Variants in PRDM5 observed in about 807,000 individuals in gnomAD.
PRDM5 encodes PR domain zinc finger protein 5.
PRDM5 carries 56 observed loss-of-function variants against 81.2 expected under a neutral mutation model. The observed-to-expected ratio is 0.69, with a 90% CI of 0.56 to 0.86. The LOEUF is 0.86. Among genes scored for constraint, PRDM5 ranks in the 40% least tolerant of loss-of-function variants. The pLI is 0.00. For missense variants in PRDM5, 697 were observed against 770.1 expected (o/e 0.91, Z 1.12); for synonymous variants, 267 against 256.4 (o/e 1.04, Z -0.39).
intron 8 of PRDM5, among the ~76,000 whole-genome samples, chr4:120,804,999 T>G (rs1444844575): frequency 6.6e-6 from 1 of 151,880 alleles, no homozygotes; most frequent in Non-Finnish European, 1.5e-5. Flanking sequence ...ATAGATGCAA[T>G]CAAAAATGAT....
chr4:120,689,667 T>G (rs1217370967), downstream of PRDM5, among the ~76,000 whole-genome samples: 1 of 151,610 alleles, frequency 6.6e-6, no homozygotes, highest in African/African-American at 2.4e-5. Flanking sequence ...AGTGCAGTGG[T>G]GCAATCTTGG....
chr4:120,734,446 A>ACC lies in PRDM5; in HGVS notation c.1623+20105_1623+20106dup, dbSNP rs1553952597. On this transcript the variant is annotated intron_variant, in intron 14 of 15. Transcript: ENST00000264808. The stretch of plus-strand genomic sequence containing the variant: ...TACACACACACACACACACACACAC[A>ACC]CCCTTACTCACTACGTTCAAACTAG... Among the ~76,000 whole-genome samples the ACC allele has an allele frequency of 3.4e-4, 52 of 151,264 alleles. 1 individual carries two copies. The highest frequency in any genetic ancestry group is 1.2e-3 in the African/African-American group (50 of 40,982).
At position 120,785,014 on chromosome 4, in the gene PRDM5, G is replaced by A; in HGVS notation, c.1266C>T (p.His422=). The part of the protein sequence containing the change: ...LFRTPFSLQR[H]LLIHNSERTF... ...GTGACTTACTGTTATGTATTAGCAG[G>A]TGTCTCTGTAAAGAAAATGGGGTCC... The change falls in exon 11 of 16, where the codon CAC becomes CAT. Residue 422 remains histidine, a synonymous_variant. Transcript: ENST00000264808. 6.2e-7 allele frequency: 1 copy of A among 1,601,662 alleles called. No homozygotes were observed. The highest frequency in any genetic ancestry group is 2.2e-5 in the East Asian group (1 of 44,786).
intron 15 of PRDM5, among the ~76,000 whole-genome samples, chr4:120,708,147 G>T (rs1298202570): frequency 1.3e-5 from 2 of 152,056 alleles, no homozygotes; most frequent in African/African-American, 4.8e-5. Flanking sequence ...TCAATGCTAG[G>T]TATATACCCC....
At chr4:120,824,208 GTAT>G (rs1755659830) in intron 3 of PRDM5, among the ~76,000 whole-genome samples, 1 of 152,196 alleles carries the variant, frequency 6.6e-6, no homozygotes, top group Non-Finnish European at 1.5e-5. Context: ...CTGGGACTCA[GTAT>G]CAGCTTCCTG....
chr4:120,752,302 C>T (rs575373501), intron 14 of PRDM5, among the ~76,000 whole-genome samples: 111 of 152,002 alleles, frequency 7.3e-4, no homozygotes, highest in African/African-American at 2.6e-3. Context: ...TTTAAAAATG[C>T]ATGAAAAAGG....
intron 3 of PRDM5, among the ~76,000 whole-genome samples, chr4:120,852,534 A>G (rs1392900086): frequency 3.3e-5 from 5 of 152,056 alleles, no homozygotes; most frequent in African/African-American, 7.2e-5. Context: ...TCCAAGTGGG[A>G]TATCAGCTCT....
intron 13 of PRDM5, among the ~76,000 whole-genome samples, chr4:120,774,875 T>C (rs1346827048): frequency 8.1e-6 from 1 of 123,190 alleles, no homozygotes; most frequent in African/African-American, 3.3e-5. Context: ...TCTGTCTCTC[T>C]CTCTCTCTCT....
chr4:120,695,255 G>T lies in PRDM5; in HGVS notation c.1749C>A (p.Ser583Arg), dbSNP rs1734390320. The T allele has an allele frequency of 6.2e-7, 1 of 1,613,288 alleles. No individual in the cohort carries two copies. Among genetic ancestry groups the T allele is most frequent in the Non-Finnish European group, 8.5e-7 (1 of 1,179,542 alleles). The change falls in exon 16 of 16, where the codon AGC (serine) becomes AGA (arginine). Residue 583 changes from serine to arginine, a missense_variant. Coordinates refer to ENST00000264808, the MANE Select transcript of PRDM5 (RefSeq NM_018699.4). ...FQCDVCDLAF[S>R]LKKMLIRHKM... ...TGTGTCGAATCAGCATTTTCTTCAG[G>T]CTAAAAGCCAAATCACAAACCTAGA...
intron 1 of PRDM5, among the ~76,000 whole-genome samples, chr4:120,907,949 A>G (rs1299121207): frequency 2.0e-5 from 3 of 152,370 alleles, no homozygotes; most frequent in African/African-American, 7.2e-5. Context: ...TTCCATAAAA[A>G]TCATAAATTC....
chr4:120,694,748 C>A lies in PRDM5; in HGVS notation c.*363G>T, dbSNP rs954688953. 3 of 264,008 alleles carry A rather than the reference C, an allele frequency of 1.1e-5. No homozygotes were observed. Among genetic ancestry groups the A allele is most frequent in the African/African-American group, 6.7e-5 (3 of 44,926 alleles). The allele number at this position is 264,008 out of a possible 1,614,324, so 16.4% of individuals were successfully genotyped here. On this transcript the variant is annotated 3_prime_UTR_variant, in exon 16 of 16. Transcript: ENST00000264808. Reference sequence around the variant, plus strand: ...AGACACATACAGACACACAGACACACAGACACACAAAGAATAACAATAAAA... The same window carrying A: ...AGACACATACAGACACACAGACACAAAGACACACAAAGAATAACAATAAAA...
chr4:120,800,863 G>A (rs1309379457), intron 8 of PRDM5, among the ~76,000 whole-genome samples: 1 of 151,878 alleles, frequency 6.6e-6, no homozygotes, highest in Admixed American at 6.6e-5. Flanking sequence ...TACAATAAGG[G>A]GGGATATAAC....
Position 120,922,713 on chromosome 4 carries a change from GGGAAGGA to G in PRDM5, c.-112_-106del. 1 of 1,447,312 alleles carries G rather than the reference GGGAAGGA, an allele frequency of 6.9e-7. No individual in the cohort carries two copies. The highest frequency in any genetic ancestry group is 9.4e-7 in the Non-Finnish European group (1 of 1,058,406). The allele number at this position is 1,447,312 out of a possible 1,614,324, so 89.7% of individuals were successfully genotyped here. On this transcript the variant is annotated 5_prime_UTR_variant, in exon 1 of 16. Coordinates refer to ENST00000264808, the MANE Select transcript of PRDM5 (RefSeq NM_018699.4). Reference sequence around the variant, plus strand: ...CCAGGGTAGAGGGGAGAAACCGGCAGGGAAGGAGGAAATGGAGTTTTCCTCCCAGAAT... The same window carrying G: ...CCAGGGTAGAGGGGAGAAACCGGCAGGGAAATGGAGTTTTCCTCCCAGAAT...
intron 14 of PRDM5, among the ~76,000 whole-genome samples, chr4:120,732,540 G>T (rs564702819): frequency 6.6e-6 from 1 of 152,094 alleles, no homozygotes; most frequent in South Asian, 2.1e-4. Flanking sequence ...CAGATGTATT[G>T]CTTGAAAATA....
downstream of PRDM5, among the ~76,000 whole-genome samples, chr4:120,688,102 G>C (rs1267864569): frequency 1.3e-5 from 2 of 151,906 alleles, no homozygotes; most frequent in African/African-American, 4.8e-5. Context: ...CACCTATAGT[G>C]CACAGTGCTT....
chr4:120,881,510 G>T (rs1487091386), intron 2 of PRDM5, among the ~76,000 whole-genome samples: 1 of 152,156 alleles, frequency 6.6e-6, no homozygotes, highest in African/African-American at 2.4e-5. Context: ...GAATTAACCA[G>T]TATGGGAAAC....
chr4:120,701,545 C>T (rs1198832241), intron 15 of PRDM5, among the ~76,000 whole-genome samples: 1 of 152,070 alleles, frequency 6.6e-6, no homozygotes, highest in Non-Finnish European at 1.5e-5. Flanking sequence ...ATGGATGCAG[C>T]TGGGGGCCAC....
chr4:120,746,013 C>A (rs1293600616), intron 14 of PRDM5, among the ~76,000 whole-genome samples: 2 of 149,066 alleles, frequency 1.3e-5, no homozygotes, highest in Non-Finnish European at 3.0e-5. Context: ...GGAGGCATCA[C>A]ACTACCTGAC....
chr4:120,774,902 A>ATGTATATG (rs1553963975), intron 13 of PRDM5, among the ~76,000 whole-genome samples: 10 of 146,052 alleles, frequency 6.8e-5, no homozygotes, highest in South Asian at 2.1e-4. Flanking sequence ...ATATATATAT[A>ATGTATATG]TATATGTATA....
Sources: allele counts gnomAD v4.1 joint callset (sites outside exome capture counted in the v4.1 genomes callset), GRCh38; gene constraint gnomAD v4.1.1; transcripts MANE v1.5; gene names NCBI Gene and HGNC (gene_info 2026-07-23, HGNC 2026-07-21).